Variants in SULT4A1 observed in about 807,000 individuals in gnomAD.
SULT4A1 encodes the protein sulfotransferase 4A1.
Under a neutral mutation model 35.2 loss-of-function variants are expected in SULT4A1, and 11 were observed. The ratio of observed to expected loss-of-function variants is 0.31; its 90% confidence interval spans 0.20 to 0.52. The LOEUF is 0.52. SULT4A1 is among the 20% of genes least tolerant of loss of function. The pLI, the probability that SULT4A1 is intolerant of heterozygous loss-of-function variation, is 0.97. For synonymous variants in SULT4A1, 152 were observed against 151.8 expected, an observed-to-expected ratio of 1.00 and a Z score of -0.01; for missense variants, 271 against 383.7, an observed-to-expected ratio of 0.71 and a Z score of 2.45.
chr22:43,851,372 G>A (rs182951785), intron 1 of SULT4A1, among the ~76,000 whole-genome samples: 2 of 152,204 alleles, frequency 1.3e-5, no homozygotes, highest in Admixed American at 6.5e-5. Context: ...TTGCTTTCTC[G>A]GAGTTCTTTT....
At chr22:43,841,763 T>A in intron 2 of SULT4A1, 39 bp downstream of exon 2, 1 of 1,602,124 alleles carries the variant, frequency 6.2e-7, no homozygotes, top group Non-Finnish European at 8.5e-7. Context: ...AGAAATACCC[T>A]AAAGAGGTGC....
intron 1 of SULT4A1, among the ~76,000 whole-genome samples, chr22:43,849,864 G>C (rs951648413): frequency 1.3e-5 from 2 of 152,152 alleles, no homozygotes; most frequent in Non-Finnish European, 1.5e-5. Context: ...CTTAAGCCCC[G>C]ACAGCTGGGT....
Position 43,841,816 on chromosome 22 carries a change from G to T in SULT4A1, c.286C>A (p.Leu96Met), listed in dbSNP as rs373009041. 8.7e-6 allele frequency: 14 copies of T among 1,613,588 alleles called. No homozygotes were observed. Among genetic ancestry groups the T allele is most frequent in the African/African-American group, 2.7e-5 (2 of 74,936 alleles). Reference sequence around the variant, plus strand: ...GCCCTGGGTACCTTGATGATGTCCAGGCCCGGCTGTGGGTACTCCAGGACC... The same window carrying T: ...GCCCTGGGTACCTTGATGATGTCCATGCCCGGCTGTGGGTACTCCAGGACC... ...LPVLEYPQPG[L>M]DIIKELTSPR... Residue 96 changes from leucine to methionine, a missense_variant, in exon 2 of 7, where the codon CTG (leucine) becomes ATG (methionine). This residue lies in a region of SULT4A1 where 164 missense variants were observed against 254.1 expected (regional missense o/e 0.65). Coordinates refer to ENST00000330884, the MANE Select transcript of SULT4A1 (RefSeq NM_014351.4).
chr22:43,827,609 CAAG>C (rs756526054), intron 6 of SULT4A1: 26 of 1,366,354 alleles, frequency 1.9e-5, no homozygotes, highest in African/African-American at 1.0e-4. Context: ...CTCACCAACT[CAAG>C]AAGATCTTCC....
chr22:43,843,021 C>T (rs1465777833), intron 1 of SULT4A1, among the ~76,000 whole-genome samples: 1 of 145,084 alleles, frequency 6.9e-6, no homozygotes, highest in Non-Finnish European at 1.5e-5. Flanking sequence ...CTCCTGCCCC[C>T]ACCCCTTTCA....
At chr22:43,836,341 C>T (rs11704970) in intron 4 of SULT4A1, among the ~76,000 whole-genome samples, 7 of 117,968 alleles carry the variant, frequency 5.9e-5, no homozygotes, top group South Asian at 3.0e-4. Flanking sequence ...GCCACAGGGA[C>T]CCTGTCTACA....
Position 43,838,446 on chromosome 22 carries a change from G to C in SULT4A1, c.508+421C>G, listed in dbSNP as rs114127293. The stretch of plus-strand genomic sequence containing the variant: ...CTGCCCCAGTAGCTTGCCTGTGCCT[G>C]AGGTTCAGCCAAAGGCCCATGCCTG... On this transcript the variant is annotated intron_variant, in intron 4 of 6. Transcript: ENST00000330884. Among the ~76,000 whole-genome samples, 807 of 152,362 alleles carry C rather than the reference G, an allele frequency of 5.3e-3. 7 individuals are homozygous for C. Among genetic ancestry groups the C allele is most frequent in the African/African-American group, 0.019 (782 of 41,586 alleles).
chr22:43,856,242 C>T (rs148049881), intron 1 of SULT4A1, among the ~76,000 whole-genome samples: 1 of 152,152 alleles, frequency 6.6e-6, no homozygotes, highest in Non-Finnish European at 1.5e-5. Context: ...GGCAGCAAAC[C>T]GTGTCACCTC....
In SULT4A1 at chr22:43,841,841, C is replaced by T. The variant is rs763011380; in HGVS notation, c.261G>A (p.Pro87=). The T allele has an allele frequency of 3.3e-5, 54 of 1,613,872 alleles. No individual in the cohort carries two copies. The highest frequency in any genetic ancestry group is 1.6e-4 in the Middle Eastern group (1 of 6,080). The change falls in exon 2 of 7, where the codon CCG becomes CCA. Residue 87 remains proline, a synonymous_variant. Transcript: ENST00000330884. The part of the protein sequence containing the change: ...IGLMNIDEQL[P]VLEYPQPGLD... ...GGCCCGGCTGTGGGTACTCCAGGAC[C>T]GGGAGCTGCTCGTCGATGTTCATCA... is the stretch of plus-strand genomic sequence containing the variant.
At chr22:43,850,860 C>T (rs138091) in intron 1 of SULT4A1, among the ~76,000 whole-genome samples, 35,456 of 151,690 alleles carry the variant, frequency 0.23, 4,340 homozygotes, top group African/African-American at 0.31. Context: ...CCGATGGTGC[C>T]GCTGAGATCC....
Position 43,862,459 on chromosome 22 carries a change from G to GCCCACA in SULT4A1, c.-78_-77insTGTGGG, listed in dbSNP as rs1202251459. ...CGCCCGCGCCCGCGCCCGCGCCCGC[G>GCCCACA]CCCCGCACACGCTCGCGCCCCACCG... On this transcript the variant is annotated 5_prime_UTR_variant, in exon 1 of 7. Coordinates refer to ENST00000330884, the MANE Select transcript of SULT4A1 (RefSeq NM_014351.4). 2 of 829,908 alleles carry GCCCACA rather than the reference G, an allele frequency of 2.4e-6. No individual in the cohort carries two copies. The highest frequency in any genetic ancestry group is 2.9e-6 in the Non-Finnish European group (2 of 693,046). 51.4% of individuals were successfully genotyped at this position (829,908 alleles called of 1,614,324 possible). A position where few individuals can be genotyped will look rare whatever the true frequency, so the allele number is the denominator to read the frequency against.
In SULT4A1 at chr22:43,825,722, CAT is replaced by C. The variant is rs1372664804; in HGVS notation, c.*277_*278del. 2 of 266,776 alleles carry C rather than the reference CAT, an allele frequency of 7.5e-6. No individual in the cohort carries two copies. Among genetic ancestry groups the C allele is most frequent in the African/African-American group, 4.5e-5 (2 of 44,800 alleles). The allele number at this position is 266,776 out of a possible 1,614,324, so 16.5% of individuals were successfully genotyped here. A position where few individuals can be genotyped will look rare whatever the true frequency, so the allele number is the denominator to read the frequency against. ...GTTGAAAAGGCAGACATTCTAGTTG[CAT>C]ATATTACAGGCTTTATCCTTACGGT... On this transcript the variant is annotated 3_prime_UTR_variant, in exon 7 of 7. Transcript: ENST00000330884.
Position 43,825,820 on chromosome 22 carries a change from G to C in SULT4A1, c.*181C>G. Reference sequence around the variant, plus strand: ...TGGAGAGGCTGCACGTTCTAAAGGCGAGACAGCTGCTTTCGGTTGGGAATC... The same window carrying C: ...TGGAGAGGCTGCACGTTCTAAAGGCCAGACAGCTGCTTTCGGTTGGGAATC... On this transcript the variant is annotated 3_prime_UTR_variant, in exon 7 of 7. Transcript: ENST00000330884. 1.6e-6 allele frequency: 1 copy of C among 608,404 alleles called. No homozygotes were observed. The highest frequency in any genetic ancestry group is 2.0e-5 in the South Asian group (1 of 49,926). 37.7% of individuals were successfully genotyped at this position (608,404 alleles called of 1,614,324 possible).
chr22:43,844,857 C>T (rs913923331), intron 1 of SULT4A1, among the ~76,000 whole-genome samples: 22 of 152,106 alleles, frequency 1.4e-4, no homozygotes, highest in African/African-American at 4.6e-4. Context: ...GCACTGTGAC[C>T]GGCTCCACAC....
chr22:43,843,663 G>A (rs933648325), intron 1 of SULT4A1, among the ~76,000 whole-genome samples: 3 of 152,256 alleles, frequency 2.0e-5, no homozygotes, highest in Non-Finnish European at 4.4e-5. Context: ...AGCTTCCAAA[G>A]AGCTGAACAC....
chr22:43,835,042 T>G (rs556455937), intron 4 of SULT4A1, among the ~76,000 whole-genome samples: 39 of 35,994 alleles, frequency 1.1e-3, no homozygotes, highest in African/African-American at 2.6e-3. Context: ...CCCCACCGCG[T>G]CCCTGTGCTT....
intron 1 of SULT4A1, among the ~76,000 whole-genome samples, chr22:43,847,611 C>A (rs978802053): frequency 5.9e-5 from 9 of 152,076 alleles, no homozygotes; most frequent in East Asian, 2.0e-4. Context: ...CAGCCTCCCA[C>A]CCCCTTCCAA....
At chr22:43,844,616 C>T (rs1226875761) in intron 1 of SULT4A1, among the ~76,000 whole-genome samples, 1 of 152,250 alleles carries the variant, frequency 6.6e-6, no homozygotes, top group Admixed American at 6.5e-5. Context: ...CTGAGGCCCT[C>T]TGAGCTCTGC....
At chr22:43,851,192 C>G (rs1441137227) in intron 1 of SULT4A1, among the ~76,000 whole-genome samples, 1 of 152,200 alleles carries the variant, frequency 6.6e-6, no homozygotes, top group Non-Finnish European at 1.5e-5. Flanking sequence ...CACCATCACA[C>G]TTTTCATCTC....
Sources: gnomAD v4.1 joint callset for allele counts (sites outside exome capture counted in the v4.1 genomes callset) on GRCh38, gnomAD v4.1.1 for gene constraint, gnomAD v4.1.1 regional missense constraint, MANE v1.5 for transcripts, NCBI Gene and HGNC (gene_info 2026-07-23, HGNC 2026-07-21) for gene names.